Variants in HACD1 observed in about 807,000 individuals in gnomAD.
HACD1 encodes 3-hydroxyacyl-CoA dehydratase 1.
Under a neutral mutation model 32.0 loss-of-function variants are expected in HACD1, and 41 were observed. The ratio of observed to expected loss-of-function variants is 1.28; its 90% CI spans 1.00 to 1.66. The LOEUF is 1.66. Ranked by LOEUF, HACD1 falls within the 40% of genes most tolerant of loss-of-function variation. The probability of loss-of-function intolerance (pLI) is 0.00; values close to 1 mark genes in which losing one functional copy is unlikely to be tolerated. For synonymous variants in HACD1, 142 were observed against 139.0 expected (o/e 1.02, Z -0.15); for missense variants, 396 against 380.1 (o/e 1.04, Z -0.35).
At chr10:17,602,905 T>C (rs1834091833) in intron 4 of HACD1, 1 of 152,176 alleles carries the variant, frequency 6.6e-6, no homozygotes, top group Non-Finnish European at 1.5e-5. Flanking sequence ...TTTTTTTTTT[T>C]CAGACGGAGT....
intron 1 of HACD1, among the ~76,000 whole-genome samples, chr10:17,613,491 C>A (rs1288877041): frequency 1.6e-4 from 25 of 152,168 alleles, no homozygotes; most frequent in Admixed American, 5.2e-4. Context: ...ATACATCAGG[C>A]TTGCATATCA....
At chr10:17,595,341 A>G (rs1248476573) in intron 5 of HACD1, among the ~76,000 whole-genome samples, 2 of 152,220 alleles carry the variant, frequency 1.3e-5, no homozygotes, top group Admixed American at 6.5e-5. Context: ...TTTAAGAGGC[A>G]TTTGAAAAAG....
intron 1 of HACD1, among the ~76,000 whole-genome samples, chr10:17,610,959 T>C (rs1346669101): frequency 6.6e-6 from 1 of 151,300 alleles, no homozygotes; most frequent in Non-Finnish European, 1.5e-5. Context: ...CCAAGCTACC[T>C]GTCCGCCTTC....
At chr10:17,594,524 T>C (rs1833970171) in intron 5 of HACD1, 141 bp from the exon 6 acceptor site, 3 of 594,280 alleles carry the variant, frequency 5.0e-6, no homozygotes, top group Non-Finnish European at 7.7e-6. Flanking sequence ...GTAAGGTTAA[T>C]AGTTCTACTT....
chr10:17,600,741 CCTT>C (rs2131510031), intron 4 of HACD1, among the ~76,000 whole-genome samples: 1 of 152,316 alleles, frequency 6.6e-6, no homozygotes, highest in South Asian at 2.1e-4. Context: ...CTGTATCCCT[CCTT>C]AAGGGAAGCC....
chr10:17,603,777 A>G lies in HACD1; in HGVS notation c.376-33T>C, dbSNP rs188570587. ...CAAATAGAAAAAAATCATTACGTCA[A>G]TAATAGAAAACATTAAATAAACCAC... On this transcript the variant is annotated intron_variant, in intron 2 of 6. Transcript: ENST00000361271. 3.8e-6 allele frequency: 6 copies of G among 1,578,410 alleles called. No individual in the cohort carries two copies. The East Asian group carries it at 6.7e-5, about 18-fold the overall frequency.
intron 1 of HACD1, chr10:17,615,720 A>C (rs1554817929): frequency 5.6e-6 from 2 of 358,518 alleles, no homozygotes; most frequent in African/African-American, 2.2e-5. Context: ...TAATCCCAGC[A>C]CATTGGGAGG....
At position 17,590,120 on chromosome 10, in the gene HACD1, CA is replaced by C; in HGVS notation, c.*243del. The C allele has an allele frequency of 3.8e-6, 1 of 262,152 alleles. No homozygotes were observed. Among genetic ancestry groups the C allele is most frequent in the Non-Finnish European group, 7.2e-6 (1 of 139,748 alleles). 16.2% of individuals were successfully genotyped at this position (262,152 alleles called of 1,614,324 possible). A position where few individuals can be genotyped will look rare whatever the true frequency, so the allele number is the denominator to read the frequency against. The stretch of plus-strand genomic sequence containing the variant: ...AAGTTTTTTTTTCCCCCAGATAATA[CA>C]CCTAATTATTTTCCTAATAATCAAT... On this transcript the variant is annotated 3_prime_UTR_variant, in exon 7 of 7. Coordinates refer to ENST00000361271, the MANE Select transcript of HACD1 (RefSeq NM_014241.4).
rs573038206 is a variant in HACD1 at position 17,601,744 on chromosome 10, A to T, written c.483+1816T>A. 1.2e-3 allele frequency among the ~76,000 whole-genome samples: 189 copies of T among 152,210 alleles called. 1 individual carries two copies. The highest frequency in any genetic ancestry group is 4.4e-3 in the African/African-American group (181 of 41,528). The stretch of plus-strand genomic sequence containing the variant: ...AGTTAATTAATAGTTTGCCTCTCCC[A>T]TTGCATGTGCTCACTGCTATCTGCA... On this transcript the variant is annotated intron_variant, in intron 4 of 6. Transcript: ENST00000361271.
intron 4 of HACD1, among the ~76,000 whole-genome samples, chr10:17,600,802 C>T (rs1834059118): frequency 6.6e-6 from 1 of 152,180 alleles, no homozygotes; most frequent in South Asian, 2.1e-4. Flanking sequence ...TACTGCAACG[C>T]ATACCGAGCT....
chr10:17,593,212 C>A (rs1833951271), intron 6 of HACD1, among the ~76,000 whole-genome samples: 1 of 152,044 alleles, frequency 6.6e-6, no homozygotes, highest in Non-Finnish European at 1.5e-5. Context: ...AAGGGGCTGG[C>A]CAAGTTTTAT....
chr10:17,616,053 G>A, intron 1 of HACD1: 1 of 185,778 alleles, frequency 5.4e-6, no homozygotes, highest in South Asian at 6.4e-5. Flanking sequence ...CGGATCATGA[G>A]GTCAGGAGAT....
At chr10:17,605,040 G>T (rs1275122600) in intron 1 of HACD1, among the ~76,000 whole-genome samples, 1 of 152,094 alleles carries the variant, frequency 6.6e-6, no homozygotes, top group Non-Finnish European at 1.5e-5. Context: ...TATACACAGG[G>T]TAGTCAAATT....
At chr10:17,592,145 C>G (rs567676132) in intron 6 of HACD1, among the ~76,000 whole-genome samples, 2 of 151,760 alleles carry the variant, frequency 1.3e-5, no homozygotes, top group African/African-American at 4.8e-5. Flanking sequence ...CCATGTCTGG[C>G]TAATTTTTGT....
chr10:17,598,710 C>G (rs1433711073), intron 5 of HACD1, among the ~76,000 whole-genome samples: 1 of 152,114 alleles, frequency 6.6e-6, no homozygotes, highest in African/African-American at 2.4e-5. Flanking sequence ...GTCAATTGCT[C>G]AAAGAATTCA....
chr10:17,606,364 T>A (rs1323062711), intron 1 of HACD1, among the ~76,000 whole-genome samples: 1 of 152,220 alleles, frequency 6.6e-6, no homozygotes, highest in African/African-American at 2.4e-5. Flanking sequence ...ATAAGAAGTT[T>A]ATTTTTTTCC....
intron 1 of HACD1, among the ~76,000 whole-genome samples, chr10:17,606,918 C>G (rs1354343115): frequency 1.3e-5 from 2 of 152,096 alleles, no homozygotes; most frequent in Non-Finnish European, 2.9e-5. Flanking sequence ...CTTCTATTAT[C>G]CTATTTCACT....
chr10:17,591,976 A>AATTTTTTTTTTTTT (rs1833933560), intron 6 of HACD1, among the ~76,000 whole-genome samples: 2 of 96,942 alleles, frequency 2.1e-5, no homozygotes, highest in African/African-American at 9.0e-5. Context: ...CCAGCTACTG[A>AATTTTTTTTTTTTT]TTTTTTTTTT....
chr10:17,602,897 T>A (rs1834091750), intron 4 of HACD1: 1 of 152,252 alleles, frequency 6.6e-6, no homozygotes, highest in South Asian at 2.1e-4. Context: ...ATATAATTTT[T>A]TTTTTTTTCA....
Sources: allele counts gnomAD v4.1 joint callset (sites outside exome capture counted in the v4.1 genomes callset), GRCh38; gene constraint gnomAD v4.1.1; transcripts MANE v1.5; gene names NCBI Gene and HGNC (gene_info 2026-07-23, HGNC 2026-07-21).